PSME3IP1: variants seen among roughly 807,000 people sequenced by gnomAD.
PSME3IP1 encodes the protein proteasome activator subunit 3 interacting protein 1.
A neutral mutation model predicts 34.1 loss-of-function variants in PSME3IP1; 13 were observed. That is an observed-to-expected ratio of 0.38 (90% CI 0.25 to 0.61). The LOEUF is 0.61. Ranked by LOEUF, PSME3IP1 falls within the 20% of genes least tolerant of loss-of-function variation. PSME3IP1 has a pLI of 0.60. For missense variants in PSME3IP1, 237 were observed against 301.4 expected, an observed-to-expected ratio of 0.79 and a Z score of 1.58; for synonymous variants, 93 against 114.3, an observed-to-expected ratio of 0.81 and a Z score of 1.19.
At chr16:57,178,220 G>A (rs556091156) in intron 1 of PSME3IP1, among the ~76,000 whole-genome samples, 1 of 152,234 alleles carries the variant, frequency 6.6e-6, no homozygotes, top group African/African-American at 2.4e-5. Flanking sequence ...TGTTCCCTCT[G>A]CCAGGAATGC....
At chr16:57,182,708 G>A (rs528599771) in intron 1 of PSME3IP1, among the ~76,000 whole-genome samples, 5 of 146,636 alleles carry the variant, frequency 3.4e-5, no homozygotes, top group East Asian at 2.0e-4. Flanking sequence ...TCAGAAGTTC[G>A]AGACCAGCCT....
chr16:57,164,120 T>G, intron 5 of PSME3IP1, 55 bp from the exon 6 acceptor site: 1 of 1,536,140 alleles, frequency 6.5e-7, no homozygotes, highest in Non-Finnish European at 9.0e-7. Context: ...GATCAAAGCT[T>G]AGGGAATCAG....
chr16:57,174,812 T>A, intron 1 of PSME3IP1: 1 of 453,992 alleles, frequency 2.2e-6, no homozygotes, highest in Non-Finnish European at 2.9e-6. Context: ...ATATCTCTTC[T>A]GACCTTCCTC....
At position 57,170,846 on chromosome 16, in the gene PSME3IP1, G is replaced by A. The variant is rs959402506; in HGVS notation, c.348+1405C>T. On this transcript the variant is annotated intron_variant, in intron 4 of 6. Coordinates refer to ENST00000309137, the MANE Select transcript of PSME3IP1 (RefSeq NM_024946.4). ...CCTGCACTTTGGGATGCTGGAGTGG[G>A]CGGATCACCTGAGGTAACGAGTTCG... is the stretch of plus-strand genomic sequence containing the variant. 2.6e-5 allele frequency among the ~76,000 whole-genome samples: 4 copies of A among 152,324 alleles called. No individual in the cohort carries two copies. The East Asian group carries it at 5.8e-4, about 22-fold the overall frequency.
intron 4 of PSME3IP1, among the ~76,000 whole-genome samples, chr16:57,171,274 G>A (rs183788851): frequency 6.6e-6 from 1 of 152,248 alleles, no homozygotes; most frequent in Admixed American, 6.5e-5. Flanking sequence ...ACATAAAGAA[G>A]GCCAGCAGGC....
At chr16:57,164,185 TA>T in intron 5 of PSME3IP1, 120 bp from the exon 6 acceptor site, 1 of 748,538 alleles carries the variant, frequency 1.3e-6, no homozygotes, top group South Asian at 1.8e-5. Flanking sequence ...GCTGGGATGA[TA>T]AAAATGAATG....
chr16:57,161,062 C>A (rs538163775), intron 6 of PSME3IP1, among the ~76,000 whole-genome samples: 5 of 152,178 alleles, frequency 3.3e-5, no homozygotes, highest in Non-Finnish European at 7.3e-5. Flanking sequence ...GGTATATTAG[C>A]CTACTGCTAA....
rs1306514261 is a variant in PSME3IP1 at position 57,152,713 on chromosome 16, G to A, written c.*1577C>T. On this transcript the variant is annotated 3_prime_UTR_variant, in exon 7 of 7. Coordinates refer to ENST00000309137, the MANE Select transcript of PSME3IP1 (RefSeq NM_024946.4). ...GAACAATGAAGCAGAGAAGCAGAAG[G>A]TGCCTACAAAGTTTTACCTAAATGT... The A allele has an allele frequency of 1.3e-5, 2 of 152,704 alleles. No individual in the cohort carries two copies. Among genetic ancestry groups the A allele is most frequent in the African/African-American group, 2.4e-5 (1 of 41,464 alleles). 9.5% of individuals were successfully genotyped at this position (152,704 alleles called of 1,614,324 possible).
At chr16:57,184,308 A>G (rs1269276980) in intron 1 of PSME3IP1, among the ~76,000 whole-genome samples, 6 of 152,198 alleles carry the variant, frequency 3.9e-5, no homozygotes, top group Non-Finnish European at 2.9e-5. Context: ...AGAATTTTAC[A>G]GAATTAATGA....
chr16:57,156,022 GGAA>G (rs1364199674), intron 6 of PSME3IP1, among the ~76,000 whole-genome samples: 1 of 150,350 alleles, frequency 6.7e-6, no homozygotes, highest in African/African-American at 2.4e-5. Context: ...AGAAGGAGGA[GGAA>G]GAAAAGAAAA....
intron 6 of PSME3IP1, among the ~76,000 whole-genome samples, chr16:57,156,817 G>A (rs1477388289): frequency 6.6e-6 from 1 of 152,172 alleles, no homozygotes. Flanking sequence ...TATATTAGGA[G>A]GGAACATGTT....
chr16:57,164,908 G>C (rs2071673413), intron 5 of PSME3IP1, among the ~76,000 whole-genome samples: 1 of 152,032 alleles, frequency 6.6e-6, no homozygotes, highest in Non-Finnish European at 1.5e-5. Context: ...GTGCATGCCT[G>C]TAATCCCAGC....
chr16:57,186,067 A>T (rs931011608), upstream of PSME3IP1: 3 of 985,214 alleles, frequency 3.0e-6, no homozygotes, highest in African/African-American at 5.2e-5. Flanking sequence ...CCGGCGACGT[A>T]ACCCAATCCG....
rs2070144510 is a variant in PSME3IP1, at chr16:57,153,357, A to G, written c.*933T>C. The G allele has an allele frequency of 6.6e-6, 1 of 152,230 alleles. No individual in the cohort carries two copies. Among genetic ancestry groups the G allele is most frequent in the Non-Finnish European group, 1.5e-5 (1 of 68,046 alleles). The allele number at this position is 152,230 out of a possible 1,614,324, so 9.4% of individuals were successfully genotyped here. ...CCACAGTTAAAAGCACAAGTATAAT[A>G]TGCATTAAACAGAGAAGGGCCTCAA... On this transcript the variant is annotated 3_prime_UTR_variant, in exon 7 of 7. Transcript: ENST00000309137.
chr16:57,158,109 C>T (rs1295105482), intron 6 of PSME3IP1, among the ~76,000 whole-genome samples: 1 of 152,146 alleles, frequency 6.6e-6, no homozygotes, highest in Non-Finnish European at 1.5e-5. Context: ...ATGTGTCAGA[C>T]AGTTTACAGT....
At position 57,164,033 on chromosome 16, in the gene PSME3IP1, T is replaced by G; in HGVS notation, c.515A>C (p.Lys172Thr). Residue 172 changes from lysine to threonine, a missense_variant, in exon 6 of 7, where the codon AAA becomes ACA. Transcript: ENST00000309137. ...CTTGTCATCTGGCTCAGGGTCCGGT[T>G]TCAGTCTTTTCACACTGTTGCCACT... ...SESGNSVKRL[K>T]PDPEPDDKNQ... The G allele has an allele frequency of 1.2e-6, 2 of 1,614,174 alleles. No individual in the cohort carries two copies. The highest frequency in any genetic ancestry group is 2.2e-5 in the East Asian group (1 of 44,880).
At chr16:57,161,797 C>G (rs2071276575) in intron 6 of PSME3IP1, among the ~76,000 whole-genome samples, 1 of 152,142 alleles carries the variant, frequency 6.6e-6, no homozygotes, top group African/African-American at 2.4e-5. Flanking sequence ...AGGTGGGAGT[C>G]ACCGCGCCCG....
chr16:57,172,721 G>A (rs575837295), intron 3 of PSME3IP1, 55 bp downstream of exon 3: 9 of 1,302,256 alleles, frequency 6.9e-6, no homozygotes, highest in East Asian at 2.3e-5. Flanking sequence ...CAAGGCAAAA[G>A]TGCGTCAAAA....
intron 1 of PSME3IP1, among the ~76,000 whole-genome samples, chr16:57,177,782 C>CAGG (rs2073331061): frequency 6.6e-6 from 1 of 152,014 alleles, no homozygotes; most frequent in Admixed American, 6.6e-5. Flanking sequence ...GAGGCCAAGG[C>CAGG]AGGAGGACCA....
Sources: gnomAD v4.1 joint callset for allele counts (sites outside exome capture counted in the v4.1 genomes callset) on GRCh38, gnomAD v4.1.1 for gene constraint, MANE v1.5 for transcripts, NCBI Gene and HGNC (gene_info 2026-07-23, HGNC 2026-07-21) for gene names.